The following FRMD4A variants were observed in gnomAD, a reference collection of about 807,000 sequenced individuals.
FRMD4A encodes FERM domain containing 4A.
In FRMD4A, 29 loss-of-function variants were observed where a neutral mutation model predicts 129.1. The ratio of observed to expected loss-of-function variants is 0.22; its 90% CI spans 0.17 to 0.31. FRMD4A has a LOEUF of 0.31. Among genes scored for constraint, FRMD4A ranks in the 10% least tolerant of loss-of-function variants. FRMD4A has a pLI of 1.00. For synonymous variants in FRMD4A, 634 were observed against 571.6 expected, an observed-to-expected ratio of 1.11 and a Z score of -1.56; for missense variants, 1,272 against 1,375.8, an observed-to-expected ratio of 0.92 and a Z score of 1.19.
chr10:14,293,328 C>A (rs1845907188), intron 2 of FRMD4A, among the ~76,000 whole-genome samples: 1 of 152,160 alleles, frequency 6.6e-6, no homozygotes, highest in Admixed American at 6.5e-5. Context: ...AACACAAAGG[C>A]CCTCACCAGA....
At chr10:13,849,462 G>T (rs2094109697) in intron 3 of FRMD4A, among the ~76,000 whole-genome samples, 1 of 148,970 alleles carries the variant, frequency 6.7e-6, no homozygotes, top group Admixed American at 6.8e-5. Flanking sequence ...TGCTTTACTT[G>T]GTAGAAAACA....
Position 13,654,484 on chromosome 10 carries a change from C to T in FRMD4A, c.2982G>A (p.Ser994=), listed in dbSNP as rs374192557. The T allele has an allele frequency of 1.6e-4, 258 of 1,613,598 alleles. No individual in the cohort carries two copies. The highest frequency in any genetic ancestry group is 3.3e-4 in the Middle Eastern group (2 of 6,084). ...TGGCTCCAATTTCACTTGACGGTGT[C>T]GAGCTTCTCTGGCTTTGAGGTAAGG... The part of the protein sequence containing the change: ...SAALPQSQRS[S]TPSSEIGATP... The change falls in exon 23 of 25, where the codon TCG becomes TCA. Residue 994 remains serine, a synonymous_variant. Coordinates refer to ENST00000357447, the MANE Select transcript of FRMD4A (RefSeq NM_018027.5).
At chr10:14,080,779 C>T (rs185095053) in intron 2 of FRMD4A, among the ~76,000 whole-genome samples, 1 of 152,048 alleles carries the variant, frequency 6.6e-6, no homozygotes, top group East Asian at 1.9e-4. Context: ...GTCCAGTTGG[C>T]ATCTCTATAC....
intron 2 of FRMD4A, among the ~76,000 whole-genome samples, chr10:13,901,777 C>T (rs1483015855): frequency 6.6e-6 from 1 of 152,004 alleles, no homozygotes; most frequent in African/African-American, 2.4e-5. Flanking sequence ...GTAAGAGCCC[C>T]GGGACCTCCC....
chr10:13,918,082 T>G (rs1345457248), intron 2 of FRMD4A, among the ~76,000 whole-genome samples: 1 of 152,248 alleles, frequency 6.6e-6, no homozygotes, highest in African/African-American at 2.4e-5. Flanking sequence ...AACTGCTTTC[T>G]CTTCCCCAGC....
At chr10:14,066,146 T>A (rs1835050172) in intron 2 of FRMD4A, among the ~76,000 whole-genome samples, 1 of 151,788 alleles carries the variant, frequency 6.6e-6, no homozygotes, top group Non-Finnish European at 1.5e-5. Context: ...AGGGAACAAA[T>A]ATTCAGAAAC....
Position 14,050,823 on chromosome 10 carries a change from C to T in FRMD4A, c.46-191911G>A, listed in dbSNP as rs561370787. 5.1e-4 allele frequency among the ~76,000 whole-genome samples: 77 copies of T among 152,352 alleles called. 1 individual carries two copies. In the South Asian group the frequency reaches 0.014, roughly 27 times the overall value. On this transcript the variant is annotated intron_variant, in intron 2 of 24. Coordinates refer to ENST00000357447, the MANE Select transcript of FRMD4A (RefSeq NM_018027.5). ...ACCCAGAAAGGGCCTAGCAGCTCCA[C>T]GCCCTCCCGCATGCCCTGCCCAGTG... is the stretch of plus-strand genomic sequence containing the variant.
intron 4 of FRMD4A, among the ~76,000 whole-genome samples, chr10:13,796,971 C>A (rs980366567): frequency 1.6e-4 from 25 of 152,276 alleles, no homozygotes; most frequent in African/African-American, 5.8e-4. Context: ...CCGCCCACCT[C>A]GGCCTCCCAA....
At chr10:13,839,403 C>T (rs1205377821) in intron 3 of FRMD4A, among the ~76,000 whole-genome samples, 2 of 152,122 alleles carry the variant, frequency 1.3e-5, no homozygotes, top group Non-Finnish European at 2.9e-5. Context: ...TGAGAAAATG[C>T]TTTCTGAGTG....
intron 2 of FRMD4A, among the ~76,000 whole-genome samples, chr10:13,893,762 A>C (rs1266356216): frequency 6.6e-6 from 1 of 152,198 alleles, no homozygotes; most frequent in Non-Finnish European, 1.5e-5. Flanking sequence ...TGATCCACCC[A>C]CCTTGGCCAC....
At position 13,851,398 on chromosome 10, in the gene FRMD4A, T is replaced by A. The variant is rs554213978; in HGVS notation, c.111+7449A>T. On this transcript the variant is annotated intron_variant, in intron 3 of 24. Coordinates refer to ENST00000357447, the MANE Select transcript of FRMD4A (RefSeq NM_018027.5). ...AATCCCCAACCCCTGGGCCATGGAC[T>A]GGTACCAGTCTATGGCCTGTTAGGA... Among the ~76,000 whole-genome samples, 11 of 152,300 alleles carry A rather than the reference T, an allele frequency of 7.2e-5. No homozygotes were observed. The East Asian group carries it at 2.1e-3, about 29-fold the overall frequency.
intron 22 of FRMD4A, among the ~76,000 whole-genome samples, chr10:13,656,426 G>A (rs532078019): frequency 6.6e-6 from 1 of 152,304 alleles, no homozygotes; most frequent in South Asian, 2.1e-4. Context: ...CGGTTATGGT[G>A]CAAGATTAGG....
intron 2 of FRMD4A, among the ~76,000 whole-genome samples, chr10:14,255,322 T>G (rs529482070): frequency 6.6e-6 from 1 of 152,308 alleles, no homozygotes; most frequent in African/African-American, 2.4e-5. Flanking sequence ...GCCACAGTGC[T>G]ACCCATATCA....
At chr10:13,878,566 A>T (rs2094512485) in intron 2 of FRMD4A, among the ~76,000 whole-genome samples, 1 of 152,112 alleles carries the variant, frequency 6.6e-6, no homozygotes, top group South Asian at 2.1e-4. Flanking sequence ...CAGCCTGGCT[A>T]ACATGGCAAA....
At chr10:14,125,307 T>C (rs1838771715) in intron 2 of FRMD4A, among the ~76,000 whole-genome samples, 1 of 152,184 alleles carries the variant, frequency 6.6e-6, no homozygotes. Context: ...AATATTATTT[T>C]AGATCTGCCA....
At chr10:14,070,378 C>T (rs893668392) in intron 2 of FRMD4A, among the ~76,000 whole-genome samples, 3 of 152,168 alleles carry the variant, frequency 2.0e-5, no homozygotes, top group Non-Finnish European at 4.4e-5. Context: ...AACTACAATC[C>T]GCATCCTTCA....
At chr10:14,079,967 G>A (rs1048206583) in intron 2 of FRMD4A, among the ~76,000 whole-genome samples, 5 of 152,134 alleles carry the variant, frequency 3.3e-5, no homozygotes, top group Non-Finnish European at 7.4e-5. Flanking sequence ...TGTCCATTGC[G>A]CCCAACACCA....
chr10:13,954,016 C>T (rs577187387), intron 2 of FRMD4A, among the ~76,000 whole-genome samples: 1 of 152,356 alleles, frequency 6.6e-6, no homozygotes, highest in East Asian at 1.9e-4. Flanking sequence ...CTTATCCCTT[C>T]TCTACAAAAA....
chr10:13,792,908 C>T (rs773635579), intron 5 of FRMD4A, among the ~76,000 whole-genome samples: 7 of 152,184 alleles, frequency 4.6e-5, no homozygotes, highest in Non-Finnish European at 1.0e-4. Context: ...AGAGGAGATG[C>T]TATCTGGCTT....
Sources: allele counts gnomAD v4.1 joint callset (sites outside exome capture counted in the v4.1 genomes callset), GRCh38; gene constraint gnomAD v4.1.1; transcripts MANE v1.5; gene names NCBI Gene and HGNC (gene_info 2026-07-23, HGNC 2026-07-21).